ADGRA3: variants seen among roughly 807,000 people sequenced by gnomAD.
ADGRA3 encodes the protein adhesion G protein-coupled receptor A3, also known as G-protein coupled receptor 125.
In ADGRA3, 56 loss-of-function variants were observed where a neutral mutation model predicts 119.8. The observed-to-expected ratio is 0.47, with a 90% CI of 0.38 to 0.58. ADGRA3 has a LOEUF of 0.58. Among genes scored for constraint, ADGRA3 ranks in the 20% least tolerant of loss-of-function variants. ADGRA3 has a pLI of 0.00. For missense variants in ADGRA3, 1,516 were observed against 1,649.0 expected (o/e 0.92, Z 1.40); for synonymous variants, 607 against 623.8 (o/e 0.97, Z 0.40).
At chr4:22,454,786 A>C in intron 4 of ADGRA3, 80 bp downstream of exon 4, 1 of 1,031,538 alleles carries the variant, frequency 9.7e-7, no homozygotes, top group Non-Finnish European at 1.5e-6. Context: ...CTTATAATTA[A>C]ATACATAAGT....
chr4:22,498,141 T>TGTAATCCCAGATACTCA (rs1718908557), intron 1 of ADGRA3, among the ~76,000 whole-genome samples: 1 of 151,372 alleles, frequency 6.6e-6, no homozygotes, highest in South Asian at 2.1e-4. Flanking sequence ...CTCAGGAGGC[T>TGTAATCCCAGATACTCA]GGGTGGGGCA....
intron 1 of ADGRA3, among the ~76,000 whole-genome samples, chr4:22,489,714 G>A (rs749090326): frequency 2.0e-5 from 3 of 152,052 alleles, no homozygotes; most frequent in Admixed American, 6.6e-5. Flanking sequence ...TCCATCACTC[G>A]GTTTCAATAT....
rs182877785 is a variant in ADGRA3, at chr4:22,435,163, A to C, written c.1443+148T>G. On this transcript the variant is annotated intron_variant, in intron 10 of 18. Coordinates refer to ENST00000334304, the MANE Select transcript of ADGRA3 (RefSeq NM_145290.4). ...AACAGGTCATAAGAGAAGAGGCAGA[A>C]GTATCTCAATAAAATTCTGGAAATT... is the stretch of plus-strand genomic sequence containing the variant. 7 of 663,982 alleles carry C rather than the reference A, an allele frequency of 1.1e-5. No individual in the cohort carries two copies. The East Asian group carries it at 1.6e-4, about 15-fold the overall frequency. The allele number at this position is 663,982 out of a possible 1,614,324, so 41.1% of individuals were successfully genotyped here.
Position 22,387,954 on chromosome 4 carries a change from G to A in ADGRA3, c.3717C>T (p.Ser1239=), listed in dbSNP as rs1210865737. The A allele has an allele frequency of 6.2e-7, 1 of 1,614,168 alleles. No homozygotes were observed. The highest frequency in any genetic ancestry group is 2.2e-5 in the East Asian group (1 of 44,872). ...TGGGAAGTGTGCTACAAGCATCGCT[G>A]CTGTCTTGCTGGGGTGGGTTGTACT... ...ERQYNPPQQD[S]SDACSTLPKS... Residue 1239 remains serine (S), a synonymous_variant, in exon 19 of 19, where the codon AGC becomes AGT. Transcript: ENST00000334304.
intron 12 of ADGRA3, chr4:22,414,605 C>A: frequency 1.4e-6 from 1 of 698,978 alleles, no homozygotes; most frequent in African/African-American, 1.7e-5. Flanking sequence ...CCGGAATTTC[C>A]CCTTAAGAAA....
intron 10 of ADGRA3, among the ~76,000 whole-genome samples, chr4:22,424,670 C>T (rs988179589): frequency 6.6e-6 from 1 of 152,206 alleles, no homozygotes; most frequent in Non-Finnish European, 1.5e-5. Context: ...GAAAGGATGT[C>T]ACACAATACC....
At chr4:22,428,331 C>T (rs1299552495) in intron 10 of ADGRA3, among the ~76,000 whole-genome samples, 1 of 134,962 alleles carries the variant, frequency 7.4e-6, no homozygotes, top group African/African-American at 2.6e-5. Flanking sequence ...CAGAACATCT[C>T]AGTCCATGGT....
In ADGRA3 at chr4:22,391,141, G is replaced by A. The variant is rs140590799; in HGVS notation, c.2627+1404C>T. The stretch of plus-strand genomic sequence containing the variant: ...TCTTTTCTTAACTAACTTCTCCCTG[G>A]GAGTTCCTATTCATTATCATGGCTT... On this transcript the variant is annotated intron_variant, in intron 17 of 18. Transcript: ENST00000334304. Among the ~76,000 whole-genome samples, 36 of 151,952 alleles carry A rather than the reference G, an allele frequency of 2.4e-4. No individual in the cohort carries two copies. The East Asian group carries it at 6.0e-3, about 25-fold the overall frequency.
At chr4:22,477,064 T>C (rs1362453533) in intron 1 of ADGRA3, among the ~76,000 whole-genome samples, 1 of 152,128 alleles carries the variant, frequency 6.6e-6, no homozygotes, top group African/African-American at 2.4e-5. Flanking sequence ...GTAATAAATA[T>C]AAGAATCTTA....
intron 11 of ADGRA3, among the ~76,000 whole-genome samples, chr4:22,421,524 T>C (rs772330217): frequency 2.0e-5 from 3 of 152,222 alleles, no homozygotes; most frequent in Non-Finnish European, 2.9e-5. Context: ...TCGACACATC[T>C]GGCCATATTT....
Position 22,413,075 on chromosome 4 carries a change from TAAAAAAA to T in ADGRA3, c.2232+100_2232+106del, listed in dbSNP as rs74406494. ...CAAAGGGAGCAAATTATGTTAAAAG[TAAAAAAA>T]AAAAAAAAACAAAAAACAAAAAAAC... is the stretch of plus-strand genomic sequence containing the variant. On this transcript the variant is annotated intron_variant, in intron 14 of 18. Coordinates refer to ENST00000334304, the MANE Select transcript of ADGRA3 (RefSeq NM_145290.4). 1.1e-4 allele frequency: 80 copies of T among 728,040 alleles called. 1 individual carries two copies. The highest frequency in any genetic ancestry group is 6.1e-4 in the East Asian group (21 of 34,632). 45.1% of individuals were successfully genotyped at this position (728,040 alleles called of 1,614,324 possible).
intron 1 of ADGRA3, among the ~76,000 whole-genome samples, chr4:22,507,203 G>A (rs1719271621): frequency 6.6e-6 from 1 of 152,064 alleles, no homozygotes; most frequent in Admixed American, 6.6e-5. Flanking sequence ...TCGCGCCACT[G>A]CACTCCAGCC....
At chr4:22,473,987 T>A in intron 1 of ADGRA3, 144 bp from the exon 2 acceptor site, 2 of 505,626 alleles carry the variant, frequency 4.0e-6, no homozygotes. Flanking sequence ...AAAAAGTGAG[T>A]GTCTTCCCCT....
rs147643567 is a variant in ADGRA3, at chr4:22,413,346, G to A, written c.2068C>T (p.Leu690=). The A allele has an allele frequency of 4.4e-5, 71 of 1,614,000 alleles. No homozygotes were observed. The highest frequency in any genetic ancestry group is 5.6e-5 in the Non-Finnish European group (66 of 1,179,988). ...DTHHIPVNVT[L]RRIAHGADAV... is the part of the protein sequence containing the mutation. Reference sequence around the variant, plus strand: ...TCTGCTCCATGTGCAATTCGACGCAGTGTCACATTAACAGGGATGTGGTGG... The same window carrying A: ...TCTGCTCCATGTGCAATTCGACGCAATGTCACATTAACAGGGATGTGGTGG... Residue 690 remains leucine, a synonymous_variant, in exon 14 of 19, where the codon CTG becomes TTG. Transcript: ENST00000334304.
At chr4:22,400,255 C>T (rs1714556420) in intron 16 of ADGRA3, among the ~76,000 whole-genome samples, 1 of 152,106 alleles carries the variant, frequency 6.6e-6, no homozygotes, top group African/African-American at 2.4e-5. Flanking sequence ...CTTGTGTTCC[C>T]TGAAGCATTA....
chr4:22,456,486 T>G (rs1014334869), intron 3 of ADGRA3, among the ~76,000 whole-genome samples: 1 of 152,192 alleles, frequency 6.6e-6, no homozygotes, highest in Admixed American at 6.5e-5. Context: ...CCTCCTGTTG[T>G]TGGACATCAG....
intron 1 of ADGRA3, among the ~76,000 whole-genome samples, chr4:22,513,775 G>A (rs550720028): frequency 1.5e-5 from 2 of 137,600 alleles, no homozygotes; most frequent in Non-Finnish European, 3.0e-5. Flanking sequence ...ACCTCACAAA[G>A]CCCTGGGATT....
intron 10 of ADGRA3, among the ~76,000 whole-genome samples, chr4:22,434,663 C>A (rs1716321530): frequency 6.6e-6 from 1 of 152,150 alleles, no homozygotes; most frequent in Non-Finnish European, 1.5e-5. Flanking sequence ...TAATTCTGCC[C>A]CTTGAAAATT....
At chr4:22,447,037 T>TGGGG (rs10717833) in intron 5 of ADGRA3, among the ~76,000 whole-genome samples, 2 of 151,780 alleles carry the variant, frequency 1.3e-5, no homozygotes, top group African/African-American at 4.9e-5. Flanking sequence ...TGATTTTAAG[T>TGGGG]GGGGGGGGGG....
Sources: gnomAD v4.1 joint callset for allele counts (sites outside exome capture counted in the v4.1 genomes callset) on GRCh38, gnomAD v4.1.1 for gene constraint, MANE v1.5 for transcripts, NCBI Gene and HGNC (gene_info 2026-07-23, HGNC 2026-07-21) for gene names.